SAMD3: variants seen among roughly 807,000 people sequenced by gnomAD.
SAMD3 encodes the protein sterile alpha motif domain-containing protein 3.
In SAMD3, 63 loss-of-function variants were observed where a neutral mutation model predicts 58.5. That is an observed-to-expected ratio of 1.08 (90% CI 0.88 to 1.33). SAMD3 has a LOEUF of 1.33. SAMD3 is among the 40% of genes most tolerant of loss of function. The probability of loss-of-function intolerance (pLI) is 0.00; values close to 1 mark genes in which losing one functional copy is unlikely to be tolerated. For missense variants in SAMD3, 604 were observed against 608.4 expected (o/e 0.99, Z 0.08); for synonymous variants, 220 against 210.3 (o/e 1.05, Z -0.40).
At chr6:130,323,772 C>T (rs1185367649) in intron 1 of SAMD3, among the ~76,000 whole-genome samples, 5 of 123,182 alleles carry the variant, frequency 4.1e-5, no homozygotes, top group Non-Finnish European at 6.2e-5. Flanking sequence ...CACTATACTG[C>T]AGCCTGGGTC....
chr6:130,152,080 G>T (rs1001019966), intron 9 of SAMD3, among the ~76,000 whole-genome samples: 16 of 152,112 alleles, frequency 1.1e-4, no homozygotes, highest in South Asian at 6.2e-4. Context: ...AGGTGATGGG[G>T]GGTCAGTGTT....
intron 2 of SAMD3, among the ~76,000 whole-genome samples, chr6:130,266,982 C>A (rs948704985): frequency 6.6e-6 from 1 of 152,166 alleles, no homozygotes; most frequent in African/African-American, 2.4e-5. Context: ...GAAATCATCA[C>A]TAATAAAACC....
intron 2 of SAMD3, among the ~76,000 whole-genome samples, chr6:130,257,710 A>C (rs1410311113): frequency 6.6e-6 from 1 of 152,196 alleles, no homozygotes; most frequent in Non-Finnish European, 1.5e-5. Flanking sequence ...TAATGGACAC[A>C]CAGCAAAATG....
At chr6:130,320,595 T>A (rs2115000324) in intron 1 of SAMD3, among the ~76,000 whole-genome samples, 1 of 152,324 alleles carries the variant, frequency 6.6e-6, no homozygotes, top group Non-Finnish European at 1.5e-5. Context: ...AGCAACTTTG[T>A]TTGTAACGGC....
chr6:130,176,232 G>T, intron 7 of SAMD3: 1 of 576,652 alleles, frequency 1.7e-6, no homozygotes, highest in South Asian at 1.9e-5. Flanking sequence ...AGCAGACAAA[G>T]TCACAGAAAT....
chr6:130,171,221 G>A (rs903285096), intron 8 of SAMD3, among the ~76,000 whole-genome samples: 1 of 152,180 alleles, frequency 6.6e-6, no homozygotes, highest in African/African-American at 2.4e-5. Flanking sequence ...CATTGGTTCT[G>A]TTTATGTAAT....
At chr6:130,155,103 T>C in intron 8 of SAMD3, 78 bp from the exon 9 acceptor site, 3 of 1,101,372 alleles carry the variant, frequency 2.7e-6, no homozygotes, top group Non-Finnish European at 4.1e-6. Flanking sequence ...TTGCACACTC[T>C]TAACTCATTC....
chr6:130,195,861 G>C (rs1402502093), intron 5 of SAMD3, among the ~76,000 whole-genome samples: 1 of 152,044 alleles, frequency 6.6e-6, no homozygotes, highest in Non-Finnish European at 1.5e-5. Flanking sequence ...CCTAGGCATG[G>C]TTAGATACTT....
intron 1 of SAMD3, among the ~76,000 whole-genome samples, chr6:130,347,938 A>C (rs1287469841): frequency 6.6e-6 from 1 of 152,204 alleles, no homozygotes; most frequent in Non-Finnish European, 1.5e-5. Context: ...TTCTTAAAGA[A>C]AAGAATTTTC....
At chr6:130,193,618 C>A (rs1471362415) in intron 5 of SAMD3, among the ~76,000 whole-genome samples, 2 of 152,156 alleles carry the variant, frequency 1.3e-5, no homozygotes, top group East Asian at 3.9e-4. Flanking sequence ...ATTCCTCCAA[C>A]TCCCTTAGCC....
intron 1 of SAMD3, among the ~76,000 whole-genome samples, chr6:130,346,706 C>T (rs1777465112): frequency 6.6e-6 from 1 of 152,228 alleles, no homozygotes; most frequent in African/African-American, 2.4e-5. Context: ...TTAAATGTCC[C>T]TGTCTGACAG....
chr6:130,149,505 T>C (rs1210271280), intron 9 of SAMD3, among the ~76,000 whole-genome samples: 3 of 152,188 alleles, frequency 2.0e-5, no homozygotes, highest in African/African-American at 7.2e-5. Context: ...AAAATGTACA[T>C]GTACACCATG....
intron 8 of SAMD3, among the ~76,000 whole-genome samples, chr6:130,172,896 GTTCATTCATT>G (rs1022682979): frequency 6.6e-6 from 1 of 152,124 alleles, no homozygotes; most frequent in Non-Finnish European, 1.5e-5. Context: ...TGGAGGCTTT[GTTCATTCATT>G]TTCATTCTTT....
intron 2 of SAMD3, 57 bp downstream of exon 2, chr6:130,216,514 G>A (rs1457910142): frequency 6.6e-6 from 1 of 152,154 alleles, no homozygotes; most frequent in East Asian, 1.9e-4. Context: ...TATATTTAAA[G>A]AAGTTACAAT....
intron 2 of SAMD3, among the ~76,000 whole-genome samples, chr6:130,248,312 A>G (rs1773625062): frequency 6.6e-6 from 1 of 152,090 alleles, no homozygotes; most frequent in Non-Finnish European, 1.5e-5. Flanking sequence ...ATCACAGCCA[A>G]TGGCCCCAAC....
At chr6:130,241,993 A>G (rs904660802) in intron 2 of SAMD3, among the ~76,000 whole-genome samples, 5 of 152,162 alleles carry the variant, frequency 3.3e-5, no homozygotes, top group African/African-American at 1.2e-4. Context: ...TCAGGATCAA[A>G]TCCATTCGTT....
At chr6:130,265,750 G>A (rs1774322025) in intron 2 of SAMD3, among the ~76,000 whole-genome samples, 1 of 147,506 alleles carries the variant, frequency 6.8e-6, no homozygotes, top group Non-Finnish European at 1.5e-5. Context: ...AACGATATGA[G>A]TAAAGTGTTA....
chr6:130,309,879 T>G (rs1458791753), intron 2 of SAMD3, among the ~76,000 whole-genome samples: 1 of 152,152 alleles, frequency 6.6e-6, no homozygotes, highest in Non-Finnish European at 1.5e-5. Context: ...TTCCCAGTTT[T>G]CTCCTTCCAG....
rs573108678 is a variant in SAMD3, at chr6:130,190,490, G to T, written c.384-5867C>A. 1.4e-4 allele frequency among the ~76,000 whole-genome samples: 22 copies of T among 151,966 alleles called. 1 individual carries two copies. The highest frequency in any genetic ancestry group is 5.3e-4 in the African/African-American group (22 of 41,468). On this transcript the variant is annotated intron_variant, in intron 5 of 11. Transcript: ENST00000439090. ...TGAAATGATAGGAAAATTTAGCAAAGAAATAGAAATTGTTTAAAAGAAACA... is the reference window on the plus strand; with the variant it reads ...TGAAATGATAGGAAAATTTAGCAAATAAATAGAAATTGTTTAAAAGAAACA...
Sources: gnomAD v4.1 joint callset for allele counts (sites outside exome capture counted in the v4.1 genomes callset) on GRCh38, gnomAD v4.1.1 for gene constraint, MANE v1.5 for transcripts, NCBI Gene and HGNC (gene_info 2026-07-23, HGNC 2026-07-21) for gene names.